The following PRKN variants were observed in gnomAD, a reference collection of about 807,000 sequenced individuals.
The protein encoded by PRKN is E3 ubiquitin-protein ligase parkin.
Under a neutral mutation model 59.5 loss-of-function variants are expected in PRKN, and 56 were observed. That is an observed-to-expected ratio of 0.94 (90% CI 0.76 to 1.18). The LOEUF (loss-of-function observed/expected upper bound fraction) is 1.18. Among genes scored for constraint, PRKN ranks in the 50% most tolerant of loss-of-function variants. The probability of loss-of-function intolerance (pLI) is 0.00; values close to 1 mark genes in which losing one functional copy is unlikely to be tolerated. For synonymous variants in PRKN, 250 were observed against 222.1 expected, an observed-to-expected ratio of 1.13 and a Z score of -1.12; for missense variants, 657 against 596.4, an observed-to-expected ratio of 1.10 and a Z score of -1.06.
In PRKN at chr6:161,363,060, G is replaced by A. The variant is rs1785039200; in HGVS notation, c.1168-2855C>T. Among the ~76,000 whole-genome samples the A allele has an allele frequency of 6.6e-6, 1 of 152,076 alleles. No individual in the cohort carries two copies. Among genetic ancestry groups the A allele is most frequent in the South Asian group, 2.1e-4 (1 of 4,826 alleles). On this transcript the variant is annotated intron_variant, in intron 10 of 11. Coordinates refer to ENST00000366898, the MANE Select transcript of PRKN (RefSeq NM_004562.3). The surrounding 1 kb of genome is among the most constrained non-coding windows in gnomAD (Gnocchi z 4.1). ...TGTTCAAGACCAGCCTGGCCAACAT[G>A]GTGAAACCTCGTCTCTGCTAAAAAC...
intron 3 of PRKN, among the ~76,000 whole-genome samples, chr6:162,210,977 G>T (rs1785175765): frequency 6.6e-6 from 1 of 152,178 alleles, no homozygotes; most frequent in South Asian, 2.1e-4. Context: ...AGGTACGATT[G>T]TCAGCATTTC....
At chr6:162,565,264 A>G (rs1478387586) in intron 1 of PRKN, among the ~76,000 whole-genome samples, 1 of 152,222 alleles carries the variant, frequency 6.6e-6, no homozygotes, top group African/African-American at 2.4e-5. Flanking sequence ...GCAAGAAACT[A>G]AAACGTATCA....
rs1790601282 is a variant in PRKN at position 161,790,633 on chromosome 6, C to T, written c.735-4725G>A. Among the ~76,000 whole-genome samples, 3 of 152,160 alleles carry T rather than the reference C, an allele frequency of 2.0e-5. No individual in the cohort carries two copies. The South Asian group carries it at 6.2e-4, about 32-fold the overall frequency. On this transcript the variant is annotated intron_variant, in intron 6 of 11. Transcript: ENST00000366898. ...CATATGAGGACACAGTGAGAAGCCA[C>T]CGTCTATGAACCAGGAAGTGGGGAT...
At chr6:161,649,728 G>T (rs1486653692) in intron 7 of PRKN, among the ~76,000 whole-genome samples, 1 of 152,126 alleles carries the variant, frequency 6.6e-6, no homozygotes, top group Non-Finnish European at 1.5e-5. Context: ...TCCAAAGATG[G>T]CTGTCACATA....
At chr6:161,570,885 G>A (rs893026857) in intron 7 of PRKN, among the ~76,000 whole-genome samples, 7 of 152,156 alleles carry the variant, frequency 4.6e-5, no homozygotes, top group African/African-American at 1.7e-4. Context: ...CATTTAAAAT[G>A]TGTTGCATCC....
chr6:162,594,528 A>G (rs1781425149), intron 1 of PRKN, among the ~76,000 whole-genome samples: 1 of 152,160 alleles, frequency 6.6e-6, no homozygotes, highest in Admixed American at 6.5e-5. Flanking sequence ...TGATTCTTCA[A>G]AATCTTTCAT....
intron 2 of PRKN, among the ~76,000 whole-genome samples, chr6:162,442,221 G>T (rs571763028): frequency 2.3e-4 from 35 of 152,094 alleles, no homozygotes; most frequent in Admixed American, 6.6e-4. Flanking sequence ...CATAAATATC[G>T]TTACCCACAA....
intron 3 of PRKN, among the ~76,000 whole-genome samples, chr6:162,216,267 A>G (rs1452925110): frequency 6.6e-6 from 1 of 151,574 alleles, no homozygotes; most frequent in Non-Finnish European, 1.5e-5. Context: ...GCGGTGGCTC[A>G]CGCCTGTAAT....
At chr6:162,231,951 G>A (rs921907627) in intron 3 of PRKN, among the ~76,000 whole-genome samples, 2 of 152,126 alleles carry the variant, frequency 1.3e-5, no homozygotes, top group African/African-American at 4.8e-5. Context: ...AGGCTGCTGT[G>A]TCCACAGTAT....
chr6:161,910,496 C>G (rs765429499), intron 6 of PRKN, among the ~76,000 whole-genome samples: 13 of 152,092 alleles, frequency 8.5e-5, no homozygotes, highest in Non-Finnish European at 1.5e-4. Context: ...CTCAGGTGAC[C>G]CACCCAGCTC....
chr6:162,646,823 G>A lies in PRKN; in HGVS notation c.7+80839C>T, dbSNP rs1310189814. Among the ~76,000 whole-genome samples, 4 of 152,096 alleles carry A rather than the reference G, an allele frequency of 2.6e-5. No homozygotes were observed. In the East Asian group the frequency reaches 7.7e-4, roughly 29 times the overall value. On this transcript the variant is annotated intron_variant, in intron 1 of 11. Transcript: ENST00000366898. ...ATACTGTAGGCAACTGTAACACACGGTAAGTATTTGTGTACCTAAACATAT... is the reference window on the plus strand; with the variant it reads ...ATACTGTAGGCAACTGTAACACACGATAAGTATTTGTGTACCTAAACATAT...
At chr6:161,494,178 A>T (rs1777659117) in intron 9 of PRKN, among the ~76,000 whole-genome samples, 1 of 151,156 alleles carries the variant, frequency 6.6e-6, no homozygotes, top group Admixed American at 6.6e-5. Flanking sequence ...AAAAAATAAA[A>T]AATAAATAAA....
In PRKN at chr6:161,554,734, G is replaced by GTGTATA. The variant is rs1452353963; in HGVS notation, c.934-5732_934-5731insTATACA. On this transcript the variant is annotated intron_variant, in intron 8 of 11. Coordinates refer to ENST00000366898, the MANE Select transcript of PRKN (RefSeq NM_004562.3). The surrounding 1 kb of genome is among the most constrained non-coding windows in gnomAD (Gnocchi z 4.5). ...GGATTGTGTGTGTGTGTGTGTGTGT[G>GTGTATA]TATATATATATATATATATACATAC... Among the ~76,000 whole-genome samples, 345 of 140,948 alleles carry GTGTATA rather than the reference G, an allele frequency of 2.4e-3. 1 individual carries two copies. Among genetic ancestry groups the GTGTATA allele is most frequent in the African/African-American group, 7.6e-3 (285 of 37,706 alleles). 92.5% of individuals were successfully genotyped at this position (140,948 alleles called of 152,430 possible).
chr6:161,980,449 A>G (rs1781217737), intron 5 of PRKN, among the ~76,000 whole-genome samples: 1 of 152,204 alleles, frequency 6.6e-6, no homozygotes, highest in Non-Finnish European at 1.5e-5. Flanking sequence ...AACAGGGCCC[A>G]CACCAGGTAG....
At chr6:161,903,661 C>A (rs546943189) in intron 6 of PRKN, among the ~76,000 whole-genome samples, 2 of 152,028 alleles carry the variant, frequency 1.3e-5, no homozygotes, top group African/African-American at 4.8e-5. Context: ...AAACACAGTG[C>A]TTTGGATTTG....
chr6:162,422,042 A>G (rs188448362), intron 2 of PRKN, among the ~76,000 whole-genome samples: 1 of 152,302 alleles, frequency 6.6e-6, no homozygotes, highest in East Asian at 1.9e-4. Context: ...CCACAATTTG[A>G]GCTGAGCAGC....
intron 7 of PRKN, among the ~76,000 whole-genome samples, chr6:161,734,655 A>C (rs1787891421): frequency 6.6e-6 from 1 of 152,194 alleles, no homozygotes; most frequent in African/African-American, 2.4e-5. Context: ...ATTTCTTGGC[A>C]TAGGTGAGTT....
At chr6:161,382,169 A>G (rs975086261) in intron 10 of PRKN, among the ~76,000 whole-genome samples, 2 of 151,906 alleles carry the variant, frequency 1.3e-5, no homozygotes, top group African/African-American at 4.8e-5. Context: ...AAACAAAACA[A>G]AGCCCAGACT....
intron 3 of PRKN, among the ~76,000 whole-genome samples, chr6:162,226,934 A>T (rs1778203568): frequency 2.0e-5 from 3 of 152,160 alleles, no homozygotes; most frequent in African/African-American, 4.8e-5. Context: ...TTATGAGGAA[A>T]TCCTAATCCT....
Sources: gnomAD v4.1 joint callset for allele counts (sites outside exome capture counted in the v4.1 genomes callset) on GRCh38, gnomAD v4.1.1 for gene constraint, Gnocchi (gnomAD v3.1) non-coding constraint, MANE v1.5 for transcripts, NCBI Gene and HGNC (gene_info 2026-07-23, HGNC 2026-07-21) for gene names.